The following GAS2 variants were observed in gnomAD, a reference collection of about 807,000 sequenced individuals.
GAS2 encodes the protein growth arrest-specific protein 2.
GAS2 carries 20 observed loss-of-function variants against 37.5 expected under a neutral mutation model. The ratio of observed to expected loss-of-function variants is 0.53; its 90% confidence interval spans 0.37 to 0.77. The LOEUF is 0.77. Ranked by LOEUF, GAS2 falls within the 30% of genes least tolerant of loss-of-function variation. The pLI is 0.00. For synonymous variants in GAS2, 144 were observed against 132.2 expected (o/e 1.09, Z -0.61); for missense variants, 336 against 373.4 (o/e 0.90, Z 0.82).
rs1857207608 is a variant in GAS2 at position 22,812,111 on chromosome 11, G to C, written c.*95G>C. 2.4e-6 allele frequency: 2 copies of C among 849,582 alleles called. No homozygotes were observed. The highest frequency in any genetic ancestry group is 2.3e-5 in the Admixed American group (1 of 42,638). The allele number at this position is 849,582 out of a possible 1,614,324, so 52.6% of individuals were successfully genotyped here. ...TTCATATGTTCTGAAAACTGTTTTG[G>C]AGAAAGATAGACAGAAAAATGTCAT... On this transcript the variant is annotated 3_prime_UTR_variant, in exon 8 of 8. Coordinates refer to ENST00000454584, the MANE Select transcript of GAS2 (RefSeq NM_001143830.3).
rs1853886409 is a variant in GAS2 at position 22,754,031 on chromosome 11, T to TATTA, written c.616-1814_616-1811dup. ...CAAAAAATCTCTTAGAACAGAAATCTATTAGTGTTGGGGTGAATGTATCTA... is the reference window on the plus strand; with the variant it reads ...CAAAAAATCTCTTAGAACAGAAATCTATTAATTAGTGTTGGGGTGAATGTATCTA... On this transcript the variant is annotated intron_variant, in intron 6 of 7. Coordinates refer to ENST00000454584, the MANE Select transcript of GAS2 (RefSeq NM_001143830.3). Among the ~76,000 whole-genome samples, 2 of 152,076 alleles carry TATTA rather than the reference T, an allele frequency of 1.3e-5. 1 individual carries two copies. The highest frequency in any genetic ancestry group is 1.3e-4 in the Admixed American group (2 of 15,238).
intron 3 of GAS2, among the ~76,000 whole-genome samples, chr11:22,708,058 T>C (rs1394319656): frequency 6.6e-6 from 1 of 151,346 alleles, no homozygotes. Context: ...GAGATATTCA[T>C]TGGAAAACAA....
At chr11:22,690,501 G>A (rs1160013675) in intron 3 of GAS2, among the ~76,000 whole-genome samples, 1 of 152,148 alleles carries the variant, frequency 6.6e-6, no homozygotes, top group Non-Finnish European at 1.5e-5. Flanking sequence ...ACAGACTAGG[G>A]CAGTAGATGG....
At chr11:22,766,789 A>C (rs1854720060) in intron 7 of GAS2, among the ~76,000 whole-genome samples, 1 of 152,198 alleles carries the variant, frequency 6.6e-6, no homozygotes, top group African/African-American at 2.4e-5. Flanking sequence ...AACATTTACA[A>C]TTTACTACAA....
rs934187296 is a variant in GAS2, at chr11:22,786,186, C to G, written c.724-25612C>G. Among the ~76,000 whole-genome samples, 3 of 151,976 alleles carry G rather than the reference C, an allele frequency of 2.0e-5. No individual in the cohort carries two copies. The East Asian group carries it at 5.8e-4, about 29-fold the overall frequency. On this transcript the variant is annotated intron_variant, in intron 7 of 7. Transcript: ENST00000454584. The stretch of plus-strand genomic sequence containing the variant: ...TCTGTTAAAACAATCACAAAGCTTA[C>G]CAGGCTTTTATTTTTGAAAATAGAT...
At chr11:22,684,605 A>G (rs781494057) in intron 2 of GAS2, among the ~76,000 whole-genome samples, 4 of 152,200 alleles carry the variant, frequency 2.6e-5, no homozygotes, top group African/African-American at 7.2e-5. Context: ...GAAAGAGTAT[A>G]TAAGAAAGCA....
chr11:22,772,208 T>C (rs1432739930), intron 7 of GAS2, among the ~76,000 whole-genome samples: 1 of 152,186 alleles, frequency 6.6e-6, no homozygotes, highest in Non-Finnish European at 1.5e-5. Context: ...GTGGAGCTAA[T>C]CTGACCATGA....
At chr11:22,641,268 A>G (rs1848622924) in intron 1 of GAS2, among the ~76,000 whole-genome samples, 2 of 141,082 alleles carry the variant, frequency 1.4e-5, no homozygotes. Context: ...TTATATATAT[A>G]TCTTTATATA....
rs1858829050 is a variant in GAS2 at position 22,636,871 on chromosome 11, A to G, written c.-21+11058A>G. On this transcript the variant is annotated intron_variant, in intron 1 of 5. Transcript: ENST00000528582. ...ATATACAAATATATAACATTATTTT[A>G]AATGAAAATTTATATTACCTATTTA... Among the ~76,000 whole-genome samples the G allele has an allele frequency of 2.0e-5, 3 of 146,978 alleles. No individual in the cohort carries two copies. The South Asian group carries it at 6.3e-4, about 31-fold the overall frequency.
At chr11:22,762,927 A>G (rs542891285) in intron 7 of GAS2, among the ~76,000 whole-genome samples, 1 of 152,228 alleles carries the variant, frequency 6.6e-6, no homozygotes, top group Non-Finnish European at 1.5e-5. Context: ...AATTGTAGTT[A>G]TTTTTTAAGT....
chr11:22,663,583 C>T (rs1160455590), upstream of GAS2, among the ~76,000 whole-genome samples: 1 of 151,940 alleles, frequency 6.6e-6, no homozygotes, highest in Non-Finnish European at 1.5e-5. Context: ...AATATTTATG[C>T]TACTGTTGTG....
chr11:22,730,147 A>T (rs1852403696), intron 4 of GAS2, among the ~76,000 whole-genome samples: 1 of 151,826 alleles, frequency 6.6e-6, no homozygotes, highest in Non-Finnish European at 1.5e-5. Flanking sequence ...ACATGAGGTC[A>T]CCCGTTTGTA....
chr11:22,688,427 C>A (rs4609602), intron 3 of GAS2: 149,870 of 152,174 alleles, frequency 0.98, 73,842 homozygotes, highest in Middle Eastern at 1. Flanking sequence ...CCTGGTTAGG[C>A]CTTGGAAGGG....
At chr11:22,703,565 G>A (rs374096782) in intron 3 of GAS2, among the ~76,000 whole-genome samples, 1 of 152,100 alleles carries the variant, frequency 6.6e-6, no homozygotes. Context: ...AAATTTGGGG[G>A]AAAGAGTTGC....
intron 1 of GAS2, among the ~76,000 whole-genome samples, chr11:22,652,518 G>C (rs1297469879): frequency 6.6e-6 from 1 of 152,224 alleles, no homozygotes; most frequent in East Asian, 1.9e-4. Flanking sequence ...CCCTTCCCCA[G>C]CCTGGCTGCC....
At chr11:22,762,107 T>C (rs1854423429) in intron 7 of GAS2, among the ~76,000 whole-genome samples, 1 of 152,132 alleles carries the variant, frequency 6.6e-6, no homozygotes, top group Non-Finnish European at 1.5e-5. Context: ...AATGGAATAA[T>C]TTGTAACGTA....
At chr11:22,805,422 T>C (rs568256440) in intron 7 of GAS2, among the ~76,000 whole-genome samples, 1 of 152,240 alleles carries the variant, frequency 6.6e-6, no homozygotes, top group South Asian at 2.1e-4. Context: ...AAGAATACAA[T>C]ATATCATTCT....
intron 5 of GAS2, among the ~76,000 whole-genome samples, chr11:22,743,371 T>A (rs1005444603): frequency 2.0e-5 from 3 of 152,126 alleles, no homozygotes; most frequent in Admixed American, 6.6e-5. Flanking sequence ...GTACAACACT[T>A]AATTTGTCAA....
intron 3 of GAS2, among the ~76,000 whole-genome samples, chr11:22,703,827 A>AT (rs1221937498): frequency 6.6e-6 from 1 of 152,164 alleles, no homozygotes; most frequent in Non-Finnish European, 1.5e-5. Context: ...CATATCATGC[A>AT]TGAAGCCTGA....
Sources: allele counts gnomAD v4.1 joint callset (sites outside exome capture counted in the v4.1 genomes callset), GRCh38; gene constraint gnomAD v4.1.1; transcripts MANE v1.5; gene names NCBI Gene and HGNC (gene_info 2026-07-23, HGNC 2026-07-21).